C2orf92: variants seen among roughly 807,000 people sequenced by gnomAD.
C2orf92 encodes uncharacterized protein C2orf92.
chr2:97,664,542 A>AG (rs964891985), intron 1 of C2orf92: 2 of 148,036 alleles, frequency 1.4e-5, no homozygotes, highest in African/African-American at 5.0e-5. Flanking sequence ...GCCAGCCAGT[A>AG]GGGGGGACTA....
At chr2:97,683,891 C>CT (rs1365933427) in intron 3 of C2orf92, among the ~76,000 whole-genome samples, 2 of 152,074 alleles carry the variant, frequency 1.3e-5, no homozygotes, top group African/African-American at 4.8e-5. Context: ...GAGTCTCACT[C>CT]TGTCGCCCAG....
chr2:97,666,245 G>A (rs768936770), upstream of C2orf92, among the ~76,000 whole-genome samples: 26 of 150,012 alleles, frequency 1.7e-4, no homozygotes, highest in South Asian at 6.4e-4. Flanking sequence ...CTAGTTTTAA[G>A]ATGGAGTTGG....
chr2:97,686,929 G>A (rs1333768547), intron 3 of C2orf92, among the ~76,000 whole-genome samples: 1 of 152,108 alleles, frequency 6.6e-6, no homozygotes, highest in Non-Finnish European at 1.5e-5. Context: ...GAGGTGGGAG[G>A]ATCATTTGAG....
chr2:97,693,992 A>G (rs1325092761), intron 5 of C2orf92, among the ~76,000 whole-genome samples: 1 of 152,206 alleles, frequency 6.6e-6, no homozygotes. Context: ...TTGTGCAACC[A>G]TCACCAGCAT....
At chr2:97,701,503 G>C (rs147332506) in intron 7 of C2orf92, among the ~76,000 whole-genome samples, 199 bp downstream of exon 7, 4 of 152,346 alleles carry the variant, frequency 2.6e-5, no homozygotes, top group Non-Finnish European at 5.9e-5. Flanking sequence ...GGGTGATTCT[G>C]ATGCACAGCC....
chr2:97,701,623 A>G (rs893764418), intron 7 of C2orf92, among the ~76,000 whole-genome samples: 2 of 152,242 alleles, frequency 1.3e-5, no homozygotes, highest in Admixed American at 6.5e-5. Context: ...AAATAGGAAT[A>G]TGGATTTACA....
At chr2:97,696,609 C>T (rs1421646283) in intron 5 of C2orf92, among the ~76,000 whole-genome samples, 1 of 151,974 alleles carries the variant, frequency 6.6e-6, no homozygotes, top group East Asian at 1.9e-4. Context: ...GCTGGCGTAT[C>T]CCTGTAATCC....
At chr2:97,700,574 G>A (rs996201608) in intron 6 of C2orf92, among the ~76,000 whole-genome samples, 1 of 151,986 alleles carries the variant, frequency 6.6e-6, no homozygotes, top group Non-Finnish European at 1.5e-5. Flanking sequence ...TTTGTTGCAT[G>A]CCAGCCCGTA....
chr2:97,685,927 C>G (rs980264851), intron 3 of C2orf92, among the ~76,000 whole-genome samples: 2 of 152,162 alleles, frequency 1.3e-5, no homozygotes, highest in African/African-American at 2.4e-5. Flanking sequence ...AATTGAAACC[C>G]TCATACATTG....
intron 3 of C2orf92, among the ~76,000 whole-genome samples, chr2:97,688,380 A>G (rs1352965033): frequency 6.6e-6 from 1 of 152,158 alleles, no homozygotes; most frequent in Non-Finnish European, 1.5e-5. Flanking sequence ...AGGGGAAGGT[A>G]AAACTGCTTC....
At chr2:97,691,579 C>G (rs770407610) in intron 5 of C2orf92, among the ~76,000 whole-genome samples, 29 of 152,182 alleles carry the variant, frequency 1.9e-4, no homozygotes, top group Admixed American at 2.6e-4. Flanking sequence ...AGAAAAAAAC[C>G]AGGCCAAATA....
At chr2:97,672,098 T>C (rs939098921) in intron 1 of C2orf92, among the ~76,000 whole-genome samples, 4 of 152,014 alleles carry the variant, frequency 2.6e-5, no homozygotes, top group Non-Finnish European at 5.9e-5. Flanking sequence ...AGCTGTCTGC[T>C]GAAGGAAGCT....
intron 3 of C2orf92, among the ~76,000 whole-genome samples, chr2:97,683,417 T>C (rs1035226454): frequency 2.0e-5 from 3 of 151,950 alleles, no homozygotes; most frequent in African/African-American, 4.8e-5. Context: ...GATGTCAAAA[T>C]TGACCTGGCA....
At position 97,684,582 on chromosome 2, in the gene C2orf92, T is replaced by A. The variant is rs74862945; in HGVS notation, c.233-4313T>A. 1.2e-4 allele frequency among the ~76,000 whole-genome samples: 18 copies of A among 152,314 alleles called. No individual in the cohort carries two copies. In the East Asian group the frequency reaches 3.5e-3, roughly 29 times the overall value. On this transcript the variant is annotated intron_variant, in intron 3 of 7. Coordinates refer to ENST00000627399, the MANE Select transcript of C2orf92 (RefSeq NM_001351368.2). Reference sequence around the variant, plus strand: ...TGAATTAGGCACGTGATGTTTTAAATCTGACACCAAAAGCAGGCAAAAAGA... The same window carrying A: ...TGAATTAGGCACGTGATGTTTTAAAACTGACACCAAAAGCAGGCAAAAAGA...
chr2:97,686,467 T>C (rs180876927), intron 3 of C2orf92, among the ~76,000 whole-genome samples: 425 of 152,172 alleles, frequency 2.8e-3, no homozygotes, highest in African/African-American at 9.6e-3. Flanking sequence ...TCACCCAGGC[T>C]GGAGTGCAAT....
At chr2:97,693,016 A>AT (rs968456144) in intron 5 of C2orf92, among the ~76,000 whole-genome samples, 2 of 152,002 alleles carry the variant, frequency 1.3e-5, no homozygotes, top group Non-Finnish European at 2.9e-5. Context: ...CTTTTTGGGT[A>AT]TTTTTTTCTG....
chr2:97,694,404 AC>A (rs1676241163), intron 5 of C2orf92: 1 of 142,288 alleles, frequency 7.0e-6, no homozygotes, highest in African/African-American at 2.6e-5. Flanking sequence ...ACCCGCCACC[AC>A]GCCCGGCTAA....
chr2:97,696,757 A>C (rs1393934314), intron 5 of C2orf92, among the ~76,000 whole-genome samples: 1 of 152,076 alleles, frequency 6.6e-6, no homozygotes, highest in Non-Finnish European at 1.5e-5. Flanking sequence ...AAAACAAAAA[A>C]ACCAATGGTC....
intron 1 of C2orf92, among the ~76,000 whole-genome samples, chr2:97,673,194 A>G (rs972995354): frequency 1.3e-5 from 2 of 152,122 alleles, no homozygotes; most frequent in Admixed American, 1.3e-4. Flanking sequence ...CTCTCTGAGG[A>G]CAGCTTTCCC....
Sources: allele counts gnomAD v4.1 joint callset (sites outside exome capture counted in the v4.1 genomes callset), GRCh38; gene constraint gnomAD v4.1.1; transcripts MANE v1.5; gene names NCBI Gene and HGNC (gene_info 2026-07-23, HGNC 2026-07-21).